Variants in MYSM1 observed in about 807,000 individuals in gnomAD.
The protein encoded by MYSM1 is Myb like, SWIRM and MPN domains 1.
Under a neutral mutation model 116.0 loss-of-function variants are expected in MYSM1, and 51 were observed. The ratio of observed to expected loss-of-function variants is 0.44; its 90% CI spans 0.35 to 0.56. The LOEUF is 0.56. MYSM1 is among the 20% of genes least tolerant of loss of function. The pLI is 0.00. For synonymous variants in MYSM1, 313 were observed against 315.2 expected, an observed-to-expected ratio of 0.99 and a Z score of 0.07; for missense variants, 900 against 974.9, an observed-to-expected ratio of 0.92 and a Z score of 1.02.
chr1:58,676,537 A>T (rs1003358524), intron 9 of MYSM1, among the ~76,000 whole-genome samples: 28 of 152,178 alleles, frequency 1.8e-4, no homozygotes, highest in African/African-American at 6.5e-4. Context: ...GTAAGTGTAG[A>T]GGCTCACAAA....
intron 2 of MYSM1, among the ~76,000 whole-genome samples, chr1:58,693,806 A>G (rs1361111640): frequency 1.3e-5 from 2 of 152,238 alleles, no homozygotes; most frequent in Admixed American, 6.5e-5. Flanking sequence ...TATAAAAATA[A>G]ATTTGCTAAT....
At position 58,676,964 on chromosome 1, in the gene MYSM1, G is replaced by A. The variant is rs1236428340; in HGVS notation, c.1352C>T (p.Thr451Ile). ...GDVNCIGRIH[T>I]YLELIGAINF... is the part of the protein sequence containing the mutation. ...GATTGCTCCTATCAATTCGAGGTAT[G>A]TATGAATCCGTCCAATACAATTAAC... The change falls in exon 9 of 20, where the codon ACA (threonine) becomes ATA (isoleucine). Residue 451 changes from threonine to isoleucine, a missense_variant. This residue lies in a region of MYSM1 where 622 missense variants were observed against 623.7 expected (regional missense o/e 1.00). Transcript: ENST00000472487. 1.2e-6 allele frequency: 2 copies of A among 1,612,428 alleles called. No individual in the cohort carries two copies. Among genetic ancestry groups the A allele is most frequent in the African/African-American group, 2.7e-5 (2 of 74,864 alleles).
chr1:58,695,342 A>T (rs1410775547), intron 1 of MYSM1, 135 bp from the exon 2 acceptor site: 1 of 542,604 alleles, frequency 1.8e-6, no homozygotes, highest in African/African-American at 1.9e-5. Context: ...TAACAAACAG[A>T]TTTAACATTG....
At chr1:58,666,344 C>T (rs1289943321) in intron 16 of MYSM1, among the ~76,000 whole-genome samples, 1 of 152,122 alleles carries the variant, frequency 6.6e-6, no homozygotes, top group African/African-American at 2.4e-5. Flanking sequence ...TTTTCTTCAG[C>T]TATAAAAAAT....
rs541593787 is a variant in MYSM1 at position 58,661,956 on chromosome 1, T to C, written c.2165-445A>G. On this transcript the variant is annotated intron_variant, in intron 17 of 19. Coordinates refer to ENST00000472487, the MANE Select transcript of MYSM1 (RefSeq NM_001085487.3). ...ATACAGGTTATTAAGCTTACAACAATGCTGTAAGTTATTGTTTTTTTTTTA... is the reference window on the plus strand; with the variant it reads ...ATACAGGTTATTAAGCTTACAACAACGCTGTAAGTTATTGTTTTTTTTTTA... 1.9e-3 allele frequency among the ~76,000 whole-genome samples: 279 copies of C among 147,770 alleles called. 1 individual carries two copies. Among genetic ancestry groups the C allele is most frequent in the African/African-American group, 6.5e-3 (266 of 40,952 alleles).
At chr1:58,678,209 G>T (rs1485567348) in intron 8 of MYSM1, among the ~76,000 whole-genome samples, 4 of 152,120 alleles carry the variant, frequency 2.6e-5, no homozygotes, top group Admixed American at 1.3e-4. Context: ...TCACTAAGCA[G>T]AATAGAGGGT....
intron 11 of MYSM1, 26 bp from the exon 12 acceptor site, chr1:58,671,984 G>T: frequency 1.3e-6 from 2 of 1,575,446 alleles, no homozygotes; most frequent in Non-Finnish European, 1.7e-6. Context: ...AATTGATTAA[G>T]GAGTCCATCA....
intron 1 of MYSM1, chr1:58,699,717 C>T: frequency 2.0e-6 from 2 of 985,440 alleles, no homozygotes; most frequent in African/African-American, 3.5e-5. Flanking sequence ...GTAAATCAAA[C>T]GCAATGTGGT....
intron 7 of MYSM1, among the ~76,000 whole-genome samples, chr1:58,684,757 C>G (rs1644801584): frequency 6.6e-6 from 1 of 152,006 alleles, no homozygotes; most frequent in South Asian, 2.1e-4. Flanking sequence ...ATTTCAGAGT[C>G]AGGATAGCAT....
chr1:58,677,113 T>C (rs1232439867), intron 8 of MYSM1, 57 bp from the exon 9 acceptor site: 7 of 1,478,760 alleles, frequency 4.7e-6, no homozygotes, highest in Non-Finnish European at 6.4e-6. Context: ...GAAAAAAGAT[T>C]TCTGGGGAAA....
At chr1:58,677,188 C>T in intron 8 of MYSM1, 132 bp from the exon 9 acceptor site, 1 of 668,836 alleles carries the variant, frequency 1.5e-6, no homozygotes. Context: ...GTAATAAATA[C>T]AATACTAATA....
chr1:58,668,801 C>A, intron 13 of MYSM1, 119 bp from the exon 14 acceptor site: 1 of 1,019,518 alleles, frequency 9.8e-7, no homozygotes, highest in Non-Finnish European at 1.5e-6. Context: ...CAGCACTAAC[C>A]AAAGCTCAGC....
intron 8 of MYSM1, 142 bp downstream of exon 8, chr1:58,681,643 T>C: frequency 2.3e-6 from 2 of 872,824 alleles, no homozygotes; most frequent in Non-Finnish European, 3.3e-6. Context: ...AAAGCTTTTT[T>C]TCATTACAAG....
rs1644333900 is a variant in MYSM1, at chr1:58,657,468, C to G, written c.*2529G>C. On this transcript the variant is annotated 3_prime_UTR_variant, in exon 20 of 20. Transcript: ENST00000472487. ...TCTACAAGGCCCTGGCTCCATTATC[C>G]TCGGTAGTAGCCCAAGGCTGGTAGT... The G allele has an allele frequency of 6.6e-6, 1 of 152,104 alleles. No homozygotes were observed. The highest frequency in any genetic ancestry group is 1.5e-5 in the Non-Finnish European group (1 of 68,020). 9.4% of individuals were successfully genotyped at this position (152,104 alleles called of 1,614,324 possible).
At chr1:58,661,066 C>A in intron 19 of MYSM1, 104 bp downstream of exon 19, 1 of 800,400 alleles carries the variant, frequency 1.2e-6, no homozygotes, top group Non-Finnish European at 2.0e-6. Flanking sequence ...AAGAAATATA[C>A]AGAAAATTAT....
At position 58,695,172 on chromosome 1, in the gene MYSM1, T is replaced by C. The variant is rs1644957025; in HGVS notation, c.104A>G (p.Asp35Gly). The C allele has an allele frequency of 6.2e-7, 1 of 1,605,824 alleles. No individual in the cohort carries two copies. Among genetic ancestry groups the C allele is most frequent in the Admixed American group, 1.7e-5 (1 of 59,968 alleles). Residue 35 changes from aspartate (D) to glycine (G), a missense_variant, in exon 2 of 20, where the codon GAT becomes GGT. This residue lies in a region of MYSM1 where 622 missense variants were observed against 623.7 expected (regional missense o/e 1.00). Transcript: ENST00000472487. ...TCTCCAAGATGAATCAAGATAGTGA[T>C]CTTTTTGTAAAACTGATGCTGTATT... ...GENTASVLQK[D>G]HYLDSSWRTE...
chr1:58,674,237 T>C (rs981425491), intron 10 of MYSM1, among the ~76,000 whole-genome samples: 16 of 152,176 alleles, frequency 1.1e-4, no homozygotes, highest in African/African-American at 3.9e-4. Context: ...GTAGAAAATC[T>C]GCAAGAACAC....
At position 58,660,143 on chromosome 1, in the gene MYSM1, T is replaced by C; in HGVS notation, c.2341A>G (p.Met781Val). ...LTCLQKLLEC[M>V]RKTLSKVTNC... ...GTCACTTTGCTCAGAGTCTTCCTCA[T>C]ACACTCCAAAAGCTAGTTGAAAAGA... Residue 781 changes from methionine (M) to valine (V), a missense_variant, in exon 20 of 20, where the codon ATG becomes GTG. Met to Val is a conservative substitution (Grantham distance 21, BLOSUM62 1). Transcript: ENST00000472487. 6.3e-7 allele frequency: 1 copy of C among 1,585,562 alleles called. No homozygotes were observed. The highest frequency in any genetic ancestry group is 8.6e-7 in the Non-Finnish European group (1 of 1,168,924).
chr1:58,675,403 AG>A (rs1256489289), intron 10 of MYSM1, 73 bp downstream of exon 10: 2 of 1,047,076 alleles, frequency 1.9e-6, no homozygotes, highest in African/African-American at 3.1e-5. Context: ...AAACAGCTCA[AG>A]GTAAGTACGT....
Sources: allele counts gnomAD v4.1 joint callset (sites outside exome capture counted in the v4.1 genomes callset), GRCh38; gene constraint gnomAD v4.1.1; regional missense constraint gnomAD v4.1.1; transcripts MANE v1.5; gene names NCBI Gene and HGNC (gene_info 2026-07-23, HGNC 2026-07-21).